Variants in VDAC1 observed in about 807,000 individuals in gnomAD.
VDAC1 encodes the protein non-selective voltage-gated ion channel VDAC1.
In VDAC1, 10 loss-of-function variants were observed where a neutral mutation model predicts 34.7. The ratio of observed to expected loss-of-function variants is 0.29; its 90% confidence interval spans 0.18 to 0.49. VDAC1 has a LOEUF of 0.49. Among genes scored for constraint, VDAC1 ranks in the 20% least tolerant of loss-of-function variants. VDAC1 has a pLI of 0.99. For missense variants in VDAC1, 230 were observed against 347.9 expected, an observed-to-expected ratio of 0.66 and a Z score of 2.69; for synonymous variants, 130 against 136.0, an observed-to-expected ratio of 0.96 and a Z score of 0.30.
intron 5 of VDAC1, among the ~76,000 whole-genome samples, chr5:133,986,341 A>C (rs1298629505): frequency 1.3e-5 from 2 of 151,748 alleles, no homozygotes; most frequent in Non-Finnish European, 2.9e-5. Flanking sequence ...ATGATGCACC[A>C]CCAGAACTTT....
the VDAC1 span, among the ~76,000 whole-genome samples, chr5:134,039,459 G>A: frequency 2.0e-5 from 3 of 152,100 alleles, no homozygotes; most frequent in Non-Finnish European, 4.4e-5. Context: ...CTTCTGAGTA[G>A]CTGGGACTAC....
At position 133,980,305 on chromosome 5, in the gene VDAC1, G is replaced by A. The variant is rs1752640856; in HGVS notation, c.551+424C>T. ...TGTACAGAGAAGATAGTTTGTAACT[G>A]AGATAATCAGCTCCTAAATTTGTCT... On this transcript the variant is annotated intron_variant, in intron 6 of 8. Transcript: ENST00000265333. 2.0e-5 allele frequency among the ~76,000 whole-genome samples: 3 copies of A among 152,180 alleles called. No individual in the cohort carries two copies. In the South Asian group the frequency reaches 6.2e-4, roughly 32 times the overall value.
chr5:134,019,871 T>C, the VDAC1 span, among the ~76,000 whole-genome samples: 1 of 152,188 alleles, frequency 6.6e-6, no homozygotes, highest in African/African-American at 2.4e-5. Context: ...GGAGAGGACT[T>C]GCTTCCTCAC....
the VDAC1 span, among the ~76,000 whole-genome samples, chr5:134,080,566 C>CACGGGCAG: frequency 1.3e-5 from 2 of 151,700 alleles, no homozygotes; most frequent in African/African-American, 2.4e-5. Context: ...GGTACCATAC[C>CACGGGCAG]GTGAGCAGGT....
chr5:134,055,261 C>T, the VDAC1 span, among the ~76,000 whole-genome samples: 1 of 152,124 alleles, frequency 6.6e-6, no homozygotes, highest in East Asian at 1.9e-4. Context: ...AGTTGGACCC[C>T]GCTGTGGTGG....
At chr5:134,108,147 C>G in the VDAC1 span, among the ~76,000 whole-genome samples, 1 of 152,060 alleles carries the variant, frequency 6.6e-6, no homozygotes, top group Admixed American at 6.6e-5. Flanking sequence ...TAGGAAGAGA[C>G]CAGGAATGGG....
the VDAC1 span, among the ~76,000 whole-genome samples, chr5:134,089,570 G>C: frequency 6.6e-6 from 1 of 152,192 alleles, no homozygotes; most frequent in African/African-American, 2.4e-5. Context: ...GAGAGGTGGG[G>C]GGAGCCAGGC....
At chr5:134,064,070 T>G in the VDAC1 span, among the ~76,000 whole-genome samples, 1 of 147,242 alleles carries the variant, frequency 6.8e-6, no homozygotes, top group African/African-American at 2.5e-5. Context: ...ACTCCTGGGC[T>G]CAAGTGATCC....
chr5:133,983,406 T>C (rs1187258840), intron 5 of VDAC1, among the ~76,000 whole-genome samples: 1 of 152,172 alleles, frequency 6.6e-6, no homozygotes, highest in Non-Finnish European at 1.5e-5. Context: ...AAATAGTATG[T>C]GCGTGGAGGA....
chr5:134,009,083 A>G (rs549949061), upstream of VDAC1, among the ~76,000 whole-genome samples: 6 of 152,176 alleles, frequency 3.9e-5, no homozygotes, highest in African/African-American at 1.4e-4. Flanking sequence ...TCTCCTGCAT[A>G]TCCCAAAACA....
At chr5:134,051,635 A>C in the VDAC1 span, among the ~76,000 whole-genome samples, 2 of 151,726 alleles carry the variant, frequency 1.3e-5, no homozygotes, top group Non-Finnish European at 2.9e-5. Context: ...CAACAGGGTT[A>C]AGGACACACT....
At chr5:134,066,082 C>T in the VDAC1 span, among the ~76,000 whole-genome samples, 39 of 151,960 alleles carry the variant, frequency 2.6e-4, no homozygotes, top group African/African-American at 8.5e-4. Context: ...TGTGAGCCAC[C>T]GCGCCTGGTC....
the VDAC1 span, among the ~76,000 whole-genome samples, chr5:134,046,394 C>A: frequency 8.1e-3 from 1,227 of 152,126 alleles, 16 homozygotes; most frequent in African/African-American, 0.027. Flanking sequence ...TGGTCTTGAA[C>A]TCCTGGGCTC....
the VDAC1 span, among the ~76,000 whole-genome samples, chr5:134,046,201 C>A: frequency 6.7e-6 from 1 of 148,304 alleles, no homozygotes; most frequent in East Asian, 2.0e-4. Context: ...CATTTTTTTT[C>A]TATTTTTTAG....
At chr5:133,985,324 G>T (rs1259948629) in intron 5 of VDAC1, among the ~76,000 whole-genome samples, 1 of 152,174 alleles carries the variant, frequency 6.6e-6, no homozygotes, top group Non-Finnish European at 1.5e-5. Context: ...TTTTGGCAAG[G>T]TTTGAAGGAA....
At chr5:134,060,880 C>CTTTTT in the VDAC1 span, among the ~76,000 whole-genome samples, 2 of 98,682 alleles carry the variant, frequency 2.0e-5, no homozygotes, top group African/African-American at 4.4e-5. Context: ...TCTTCTTCTT[C>CTTTTT]TTTTTTTTTT....
chr5:133,999,657 C>T (rs1275075038), intron 1 of VDAC1, among the ~76,000 whole-genome samples: 2 of 152,176 alleles, frequency 1.3e-5, no homozygotes, highest in African/African-American at 4.8e-5. Flanking sequence ...CCCAAGGCCA[C>T]AGCTCCTGCC....
At chr5:134,075,071 T>G in the VDAC1 span, among the ~76,000 whole-genome samples, 1 of 152,286 alleles carries the variant, frequency 6.6e-6, no homozygotes, top group African/African-American at 2.4e-5. Context: ...GGATACACTA[T>G]TCACACTATG....
At chr5:134,011,951 T>A in the VDAC1 span, among the ~76,000 whole-genome samples, 4 of 151,510 alleles carry the variant, frequency 2.6e-5, no homozygotes, top group African/African-American at 9.7e-5. Flanking sequence ...ACAGTTCTTA[T>A]AAGAGGAAGA....
Sources: gnomAD v4.1 joint callset for allele counts (sites outside exome capture counted in the v4.1 genomes callset) on GRCh38, gnomAD v4.1.1 for gene constraint, MANE v1.5 for transcripts, NCBI Gene and HGNC (gene_info 2026-07-23, HGNC 2026-07-21) for gene names.